The following UNC5C variants were observed in gnomAD, a reference collection of about 807,000 sequenced individuals.
UNC5C encodes unc-5 netrin receptor C, also known as netrin receptor UNC5C.
UNC5C carries 47 observed loss-of-function variants against 99.8 expected under a neutral mutation model. The observed-to-expected ratio is 0.47, with a 90% CI of 0.37 to 0.60. The LOEUF (loss-of-function observed/expected upper bound fraction) is 0.60, where lower values mean the gene tolerates loss of function less well. Among genes scored for constraint, UNC5C ranks in the 20% least tolerant of loss-of-function variants. The pLI is 0.00. For missense variants in UNC5C, 1,062 were observed against 1,165.9 expected (o/e 0.91, Z 1.30); for synonymous variants, 487 against 452.2 (o/e 1.08, Z -0.98).
intron 4 of UNC5C, among the ~76,000 whole-genome samples, chr4:95,266,893 T>C (rs1198256274): frequency 1.3e-5 from 2 of 152,218 alleles, no homozygotes; most frequent in African/African-American, 4.8e-5. Flanking sequence ...TAAGTTATAA[T>C]CCAGTTTTAT....
intron 4 of UNC5C, among the ~76,000 whole-genome samples, chr4:95,253,797 G>C (rs942552092): frequency 6.6e-6 from 1 of 152,100 alleles, no homozygotes; most frequent in Non-Finnish European, 1.5e-5. Flanking sequence ...TCCATGAAAG[G>C]CTCAGTGAGG....
rs200281418 is a variant in UNC5C at position 95,501,430 on chromosome 4, G to T, written c.124+47304C>A. Among the ~76,000 whole-genome samples the T allele has an allele frequency of 3.9e-5, 6 of 152,080 alleles. No individual in the cohort carries two copies. In the East Asian group the frequency reaches 1.2e-3, roughly 29 times the overall value. On this transcript the variant is annotated intron_variant, in intron 1 of 15. Coordinates refer to ENST00000453304, the MANE Select transcript of UNC5C (RefSeq NM_003728.4). Reference sequence around the variant, plus strand: ...TTAAAAGAAGTTTGCTTTTTAAGGAGGCTAACAATGTCCATTTGCAACATA... The same window carrying T: ...TTAAAAGAAGTTTGCTTTTTAAGGATGCTAACAATGTCCATTTGCAACATA...
chr4:95,481,337 C>A (rs1175608975), intron 1 of UNC5C, among the ~76,000 whole-genome samples: 1 of 151,924 alleles, frequency 6.6e-6, no homozygotes, highest in Non-Finnish European at 1.5e-5. Context: ...GAACTACAAA[C>A]CACTGCTCAA....
chr4:95,169,885 G>C (rs1246118563), intron 15 of UNC5C, among the ~76,000 whole-genome samples: 2 of 152,180 alleles, frequency 1.3e-5, no homozygotes, highest in African/African-American at 4.8e-5. Flanking sequence ...ATGGCTATAT[G>C]ATTTGGGGAA....
chr4:95,537,030 A>G (rs898598692), intron 1 of UNC5C, among the ~76,000 whole-genome samples: 1 of 152,072 alleles, frequency 6.6e-6, no homozygotes, highest in African/African-American at 2.4e-5. Context: ...ATAGGGGGAA[A>G]TCTCTGCCAC....
At chr4:95,392,729 C>T (rs112543110) in intron 1 of UNC5C, among the ~76,000 whole-genome samples, 360 of 152,180 alleles carry the variant, frequency 2.4e-3, no homozygotes, top group East Asian at 0.01. Context: ...GTATGAGCCA[C>T]GGAGCCTGGC....
chr4:95,356,951 C>T (rs1744226332), intron 1 of UNC5C, among the ~76,000 whole-genome samples: 1 of 152,118 alleles, frequency 6.6e-6, no homozygotes, highest in Non-Finnish European at 1.5e-5. Context: ...TGAGATTGCA[C>T]AGGTATTAAG....
intron 12 of UNC5C, among the ~76,000 whole-genome samples, chr4:95,200,025 T>G (rs1197823619): frequency 6.6e-6 from 1 of 152,192 alleles, no homozygotes; most frequent in Non-Finnish European, 1.5e-5. Context: ...AGAGGTCTCA[T>G]CCCTTCCCCA....
rs763779157 is a variant in UNC5C at position 95,245,043 on chromosome 4, G to A, written c.877C>T (p.Leu293Phe). The A allele has an allele frequency of 1.2e-6, 2 of 1,614,086 alleles. No homozygotes were observed. The highest frequency in any genetic ancestry group is 1.7e-6 in the Non-Finnish European group (2 of 1,180,008). The change falls in exon 6 of 16, where the codon CTC (leucine) becomes TTC (phenylalanine). Residue 293 changes from leucine (L) to phenylalanine (F), a missense_variant. This residue lies in a region of UNC5C where 810 missense variants were observed against 854.5 expected (regional missense o/e 0.95). Coordinates refer to ENST00000453304, the MANE Select transcript of UNC5C (RefSeq NM_003728.4). ...RTRTCTNPAPLNGGAFCEGQS... is the reference protein window; with the variant it reads ...RTRTCTNPAPFNGGAFCEGQS... ...CCTTCACAGAAGGCACCCCCATTGA[G>A]TGGTGCCGGGTTGGTACAAGTCCTT...
At position 95,362,942 on chromosome 4, in the gene UNC5C, G is replaced by A. The variant is rs189436148; in HGVS notation, c.125-27311C>T. ...GGATACCATGGAAAAGGTAAAAAGT[G>A]TAGACTACAAAATGCAGGGATATCA... On this transcript the variant is annotated intron_variant, in intron 1 of 15. Transcript: ENST00000453304. 4.5e-3 allele frequency among the ~76,000 whole-genome samples: 688 copies of A among 152,066 alleles called. 4 individuals carry two copies. The highest frequency in any genetic ancestry group is 7.4e-3 in the Non-Finnish European group (501 of 67,980).
intron 1 of UNC5C, among the ~76,000 whole-genome samples, chr4:95,427,757 G>A (rs1265753681): frequency 6.6e-6 from 1 of 152,070 alleles, no homozygotes; most frequent in Non-Finnish European, 1.5e-5. Flanking sequence ...TGTAATATCT[G>A]CTTTATTGTG....
At chr4:95,316,463 T>C (rs1239082768) in intron 2 of UNC5C, among the ~76,000 whole-genome samples, 2 of 152,160 alleles carry the variant, frequency 1.3e-5, no homozygotes, top group Non-Finnish European at 2.9e-5. Context: ...GCTTCGGAGC[T>C]GACCGCAGGC....
At chr4:95,337,957 C>T (rs1473887211) in intron 1 of UNC5C, among the ~76,000 whole-genome samples, 3 of 152,004 alleles carry the variant, frequency 2.0e-5, no homozygotes, top group African/African-American at 7.2e-5. Flanking sequence ...AAAGTCAAGC[C>T]TATGCCCTGG....
rs189049182 is a variant in UNC5C, at chr4:95,444,866, A to C, written c.124+103868T>G. On this transcript the variant is annotated intron_variant, in intron 1 of 15. Transcript: ENST00000453304. Reference sequence around the variant, plus strand: ...CTTCCATTAAAAAAAATTAACTGAAATACCATACTGAAACAGTTTTCAATT... The same window carrying C: ...CTTCCATTAAAAAAAATTAACTGAACTACCATACTGAAACAGTTTTCAATT... 2.6e-5 allele frequency among the ~76,000 whole-genome samples: 4 copies of C among 152,272 alleles called. No homozygotes were observed. The East Asian group carries it at 7.7e-4, about 29-fold the overall frequency.
intron 1 of UNC5C, among the ~76,000 whole-genome samples, chr4:95,430,168 T>C (rs994333463): frequency 1.3e-5 from 2 of 152,080 alleles, no homozygotes; most frequent in East Asian, 3.9e-4. Context: ...CTCTGGTCGA[T>C]AATGATGTGT....
intron 1 of UNC5C, among the ~76,000 whole-genome samples, chr4:95,527,569 A>G (rs1023234325): frequency 4.6e-5 from 7 of 152,102 alleles, no homozygotes; most frequent in African/African-American, 1.7e-4. Context: ...TTCAATACAT[A>G]GTTGTGTGCA....
At chr4:95,436,109 T>A (rs559838722) in intron 1 of UNC5C, among the ~76,000 whole-genome samples, 54 of 151,766 alleles carry the variant, frequency 3.6e-4, no homozygotes, top group Non-Finnish European at 6.3e-4. Context: ...TAATTTTTAT[T>A]CCAATAATAT....
chr4:95,428,109 G>A (rs1283706682), intron 1 of UNC5C, among the ~76,000 whole-genome samples: 1 of 149,282 alleles, frequency 6.7e-6, no homozygotes, highest in Non-Finnish European at 1.5e-5. Flanking sequence ...AGTCTCCTCT[G>A]TATATTCTCA....
chr4:95,508,127 G>C (rs1721972408), intron 1 of UNC5C, among the ~76,000 whole-genome samples: 1 of 151,638 alleles, frequency 6.6e-6, no homozygotes. Context: ...TCCCTATACA[G>C]GATACTCTTT....
Sources: allele counts gnomAD v4.1 joint callset (sites outside exome capture counted in the v4.1 genomes callset), GRCh38; gene constraint gnomAD v4.1.1; regional missense constraint gnomAD v4.1.1; transcripts MANE v1.5; gene names NCBI Gene and HGNC (gene_info 2026-07-23, HGNC 2026-07-21).